The following CNTNAP5 variants were observed in gnomAD, a reference collection of about 807,000 sequenced individuals.
The protein encoded by CNTNAP5 is contactin-associated protein-like 5.
CNTNAP5 carries 72 observed loss-of-function variants against 150.2 expected under a neutral mutation model. That is an observed-to-expected ratio of 0.48 (90% CI 0.40 to 0.58). CNTNAP5 has a LOEUF of 0.58. Among genes scored for constraint, CNTNAP5 ranks in the 20% least tolerant of loss-of-function variants. The pLI is 0.00. For missense variants in CNTNAP5, 1,636 were observed against 1,626.2 expected (o/e 1.01, Z -0.10); for synonymous variants, 672 against 619.8 (o/e 1.08, Z -1.25).
intron 11 of CNTNAP5, among the ~76,000 whole-genome samples, chr2:124,572,339 G>A (rs572653752): frequency 2.5e-4 from 38 of 152,066 alleles, no homozygotes; most frequent in Non-Finnish European, 5.1e-4. Context: ...AGTGAGAGAA[G>A]CAGAAAAGAT....
intron 3 of CNTNAP5, among the ~76,000 whole-genome samples, chr2:124,296,664 G>A (rs921457783): frequency 2.2e-4 from 33 of 152,112 alleles, no homozygotes; most frequent in African/African-American, 7.5e-4. Context: ...GTGTGGTAGT[G>A]TTTTCATAAA....
intron 19 of CNTNAP5, among the ~76,000 whole-genome samples, chr2:124,828,994 G>C (rs1339386507): frequency 6.6e-6 from 1 of 151,880 alleles, no homozygotes; most frequent in African/African-American, 2.4e-5. Context: ...CCAAGGTTTT[G>C]GTGTAAGAGT....
chr2:124,287,249 A>C (rs1298013330), intron 3 of CNTNAP5, among the ~76,000 whole-genome samples: 1 of 152,182 alleles, frequency 6.6e-6, no homozygotes, highest in East Asian at 1.9e-4. Context: ...TGGATAAATG[A>C]GGAAATGGGG....
chr2:124,244,238 A>G lies in CNTNAP5; in HGVS notation c.381+1845A>G, dbSNP rs994101870. Reference sequence around the variant, plus strand: ...CCTCTTTCACTTCCTCACCCTTGTCACTTTCCCTGTGTTTCTAAATGATTC... The same window carrying G: ...CCTCTTTCACTTCCTCACCCTTGTCGCTTTCCCTGTGTTTCTAAATGATTC... On this transcript the variant is annotated intron_variant, in intron 3 of 23. Transcript: ENST00000682447. Among the ~76,000 whole-genome samples, 7 of 152,142 alleles carry G rather than the reference A, an allele frequency of 4.6e-5. No homozygotes were observed. The East Asian group carries it at 7.8e-4, about 17-fold the overall frequency.
At chr2:124,044,996 A>G (rs1273023211) in intron 1 of CNTNAP5, among the ~76,000 whole-genome samples, 1 of 152,074 alleles carries the variant, frequency 6.6e-6, no homozygotes, top group Non-Finnish European at 1.5e-5. Flanking sequence ...AATACACATT[A>G]TGTGTATATC....
At chr2:124,368,341 G>T (rs999675884) in intron 3 of CNTNAP5, among the ~76,000 whole-genome samples, 1 of 152,032 alleles carries the variant, frequency 6.6e-6, no homozygotes, top group Non-Finnish European at 1.5e-5. Context: ...TCTGTAATAC[G>T]CAGCGTTTTT....
At chr2:124,178,742 T>A (rs1685128877) in intron 1 of CNTNAP5, among the ~76,000 whole-genome samples, 1 of 152,092 alleles carries the variant, frequency 6.6e-6, no homozygotes, top group Non-Finnish European at 1.5e-5. Context: ...TGGACTTTTT[T>A]TAAAGAACTT....
At position 124,025,349 on chromosome 2, in the gene CNTNAP5, T is replaced by C; in HGVS notation, c.-302T>C. Reference sequence around the variant, plus strand: ...GTCCACCGAGCTCCGGCGCCTGTCGTTCTAATTGGGTTTGGATTTGCACCG... The same window carrying C: ...GTCCACCGAGCTCCGGCGCCTGTCGCTCTAATTGGGTTTGGATTTGCACCG... On this transcript the variant is annotated 5_prime_UTR_variant, in exon 1 of 24. Coordinates refer to ENST00000682447, the MANE Select transcript of CNTNAP5 (RefSeq NM_001367498.1). 1 of 330,842 alleles carries C rather than the reference T, an allele frequency of 3.0e-6. No homozygotes were observed. The highest frequency in any genetic ancestry group is 5.8e-6 in the Non-Finnish European group (1 of 172,832). 20.5% of individuals were successfully genotyped at this position (330,842 alleles called of 1,614,324 possible). A position where few individuals can be genotyped will look rare whatever the true frequency, so the allele number is the denominator to read the frequency against.
Position 124,512,311 on chromosome 2 carries a change from C to T in CNTNAP5, c.1327+7755C>T, listed in dbSNP as rs187277936. On this transcript the variant is annotated intron_variant, in intron 8 of 23. Transcript: ENST00000682447. ...GGCATCAAACTCAGCCTGGGATTTT[C>T]AGTATTAAAGAGTAAGTCTACATTT... is the stretch of plus-strand genomic sequence containing the variant. Among the ~76,000 whole-genome samples, 3 of 151,696 alleles carry T rather than the reference C, an allele frequency of 2.0e-5. No individual in the cohort carries two copies. In the East Asian group the frequency reaches 5.9e-4, roughly 30 times the overall value.
intron 11 of CNTNAP5, among the ~76,000 whole-genome samples, chr2:124,576,656 G>T (rs1219451050): frequency 6.6e-6 from 1 of 152,154 alleles, no homozygotes; most frequent in African/African-American, 2.4e-5. Flanking sequence ...AAAAGGAATT[G>T]TTTTTGAAGA....
intron 18 of CNTNAP5, among the ~76,000 whole-genome samples, chr2:124,795,989 G>A (rs1681837497): frequency 6.6e-6 from 1 of 151,774 alleles, no homozygotes; most frequent in African/African-American, 2.4e-5. Flanking sequence ...ATCCTTTTTG[G>A]CCAGTGGTTT....
At chr2:124,683,425 T>C (rs993745699) in intron 13 of CNTNAP5, among the ~76,000 whole-genome samples, 1 of 152,006 alleles carries the variant, frequency 6.6e-6, no homozygotes, top group African/African-American at 2.4e-5. Flanking sequence ...GAAAAGGTGG[T>C]ATTTGGTTTC....
chr2:124,852,309 T>G (rs1683174887), intron 19 of CNTNAP5, among the ~76,000 whole-genome samples: 1 of 152,132 alleles, frequency 6.6e-6, no homozygotes, highest in African/African-American at 2.4e-5. Context: ...ATTGTGTGGC[T>G]CTCATGGGAC....
chr2:124,623,774 G>A (rs139566371), intron 12 of CNTNAP5, among the ~76,000 whole-genome samples: 1 of 152,150 alleles, frequency 6.6e-6, no homozygotes, highest in Non-Finnish European at 1.5e-5. Flanking sequence ...TGAGTCCCCT[G>A]GTGGCACAAG....
chr2:124,859,630 T>C (rs562037141), intron 19 of CNTNAP5, among the ~76,000 whole-genome samples: 54 of 152,282 alleles, frequency 3.5e-4, no homozygotes, highest in African/African-American at 1.2e-3. Flanking sequence ...TGCAGCACTA[T>C]TCACAATAGC....
rs192913685 is a variant in CNTNAP5 at position 124,552,533 on chromosome 2, T to G, written c.1650-10684T>G. 9.8e-5 allele frequency among the ~76,000 whole-genome samples: 15 copies of G among 152,332 alleles called. No homozygotes were observed. In the East Asian group the frequency reaches 2.7e-3, roughly 28 times the overall value. On this transcript the variant is annotated intron_variant, in intron 10 of 23. Coordinates refer to ENST00000682447, the MANE Select transcript of CNTNAP5 (RefSeq NM_001367498.1). ...TGTGCCTTAGGACAGCTTGACTCTC[T>G]TTTTAGAGACCATTTCCTCCATCAG...
chr2:124,709,228 TGTGC>T (rs1553433949), intron 13 of CNTNAP5, among the ~76,000 whole-genome samples: 2 of 146,538 alleles, frequency 1.4e-5, no homozygotes, highest in African/African-American at 2.7e-5. Context: ...TGTGTGTGTG[TGTGC>T]GTGTGTGTGT....
chr2:124,636,774 T>C (rs891419609), intron 12 of CNTNAP5, among the ~76,000 whole-genome samples: 1 of 152,148 alleles, frequency 6.6e-6, no homozygotes, highest in African/African-American at 2.4e-5. Flanking sequence ...CAAACTATCT[T>C]GTTTTCCCAG....
In CNTNAP5 at chr2:124,261,046, A is replaced by T. The variant is rs60316160; in HGVS notation, c.381+18653A>T. ...AATACACCTCAAATTTTATAATAAA[A>T]TTAGAAATGGCAAGGAGTTCTATGT... On this transcript the variant is annotated intron_variant, in intron 3 of 23. Transcript: ENST00000682447. Among the ~76,000 whole-genome samples, 222 of 152,322 alleles carry T rather than the reference A, an allele frequency of 1.5e-3. 1 individual carries two copies. The highest frequency in any genetic ancestry group is 5.0e-3 in the African/African-American group (207 of 41,586).
Sources: allele counts gnomAD v4.1 joint callset (sites outside exome capture counted in the v4.1 genomes callset), GRCh38; gene constraint gnomAD v4.1.1; transcripts MANE v1.5; gene names NCBI Gene and HGNC (gene_info 2026-07-23, HGNC 2026-07-21).